TMEM132A: variants seen among roughly 807,000 people sequenced by gnomAD.
TMEM132A encodes GRP78-binding protein.
A neutral mutation model predicts 69.9 loss-of-function variants in TMEM132A; 48 were observed. The observed-to-expected ratio is 0.69, with a 90% CI of 0.55 to 0.87. TMEM132A has a LOEUF of 0.87. Among genes scored for constraint, TMEM132A ranks in the 40% least tolerant of loss-of-function variants. The pLI is 0.00. For missense variants in TMEM132A, 1,287 were observed against 1,407.2 expected (o/e 0.91, Z 1.37); for synonymous variants, 577 against 613.7 (o/e 0.94, Z 0.88).
rs376130640 is a variant in TMEM132A at position 60,936,894 on chromosome 11, G to A, written c.3059G>A (p.Arg1020Gln). The change falls in exon 11 of 11, where the codon CGG becomes CAG. Residue 1020 changes from arginine (R) to glutamine (Q), a missense_variant. By Grantham distance (43) the Arg-to-Gln change is conservative (BLOSUM62 1). Transcript: ENST00000453848. ...CTTCGCAACTACATGGAGAGGATCC[G>A]GGGCAGCTCCTGACCCTCCACAGCC... ...EELRNYMERI[R>Q]GSS The A allele has an allele frequency of 2.0e-5, 31 of 1,551,376 alleles. No homozygotes were observed. Among genetic ancestry groups the A allele is most frequent in the African/African-American group, 5.5e-5 (4 of 72,894 alleles).
chr11:60,925,856 G>A (rs1856336071), intron 1 of TMEM132A: 1 of 152,224 alleles, frequency 6.6e-6, no homozygotes, highest in Admixed American at 6.5e-5. Flanking sequence ...GCCACCTAAT[G>A]CTCCTGCCCC....
Position 60,930,531 on chromosome 11 carries a change from G to A in TMEM132A, c.888G>A (p.Leu296=). Reference sequence around the variant, plus strand: ...CCAGGATCAAGGTGAAGAAGGGGCTGCATGTGACAGCCGCCCGCCCAGCCC... The same window carrying A: ...CCAGGATCAAGGTGAAGAAGGGGCTACATGTGACAGCCGCCCGCCCAGCCC... ...LTLRIKVKKG[L]HVTAARPAQP... Residue 296 remains leucine (L), a synonymous_variant, in exon 5 of 11, where the codon CTG becomes CTA. Coordinates refer to ENST00000453848, the MANE Select transcript of TMEM132A (RefSeq NM_178031.3). 6.2e-7 allele frequency: 1 copy of A among 1,608,422 alleles called. No homozygotes were observed.
intron 1 of TMEM132A, 49 bp from the exon 2 acceptor site, chr11:60,927,155 C>T (rs778362323): frequency 1.3e-6 from 2 of 1,547,184 alleles, no homozygotes; most frequent in Non-Finnish European, 1.8e-6. Context: ...CGGGTCAGCC[C>T]CTGCCAGCTC....
Position 60,932,038 on chromosome 11 carries a change from G to A in TMEM132A, c.1267G>A (p.Val423Met), listed in dbSNP as rs759738052. The change falls in exon 7 of 11, where the codon GTG becomes ATG. Residue 423 changes from valine (V) to methionine (M), a missense_variant. Val to Met is a conservative substitution (Grantham distance 21). Coordinates refer to ENST00000453848, the MANE Select transcript of TMEM132A (RefSeq NM_178031.3). ...PLTGVPQHVP[V>M]RLVTVDGGGA... The stretch of plus-strand genomic sequence containing the variant: ...GACTGGAGTGCCCCAGCATGTCCCC[G>A]TGCGCCTTGTCACTGTGGACGGCGG... 2.3e-5 allele frequency: 36 copies of A among 1,597,302 alleles called. No homozygotes were observed. The highest frequency in any genetic ancestry group is 1.9e-4 in the South Asian group (17 of 88,364).
At chr11:60,924,860 C>T in intron 1 of TMEM132A, 127 bp downstream of exon 1, 1 of 676,930 alleles carries the variant, frequency 1.5e-6, no homozygotes, top group South Asian at 2.0e-5. Context: ...CCCGCAGCGC[C>T]CTGAAGGTCG....
At chr11:60,933,314 C>G in intron 7 of TMEM132A, 1 of 558,844 alleles carries the variant, frequency 1.8e-6, no homozygotes, top group Non-Finnish European at 3.2e-6. Flanking sequence ...TCCCCAGTAG[C>G]TAGGACTACA....
At chr11:60,931,260 G>A (rs11230521) in intron 5 of TMEM132A, among the ~76,000 whole-genome samples, 32,353 of 152,194 alleles carry the variant, frequency 0.21, 4,629 homozygotes, top group East Asian at 0.65. Flanking sequence ...CACCCAGGAC[G>A]GTTCCCAGCA....
chr11:60,933,446 A>T, intron 7 of TMEM132A, 96 bp from the exon 8 acceptor site: 2 of 1,028,330 alleles, frequency 1.9e-6, no homozygotes, highest in Non-Finnish European at 2.8e-6. Context: ...GGCCTCTCAG[A>T]GTGCTGGGAC....
At position 60,930,587 on chromosome 11, in the gene TMEM132A, G is replaced by A. The variant is rs753135679; in HGVS notation, c.944G>A (p.Arg315His). 31 of 1,612,784 alleles carry A rather than the reference G, an allele frequency of 1.9e-5. No individual in the cohort carries two copies. In the South Asian group the frequency reaches 2.0e-4, roughly 10 times the overall value. ...QPTLWTAKLD[R>H]FKGSRHHTTL... ...ACACTCTGGACTGCCAAGCTGGACC[G>A]CTTCAAGGGCTCCAGGCACCACACC... The change falls in exon 5 of 11, where the codon CGC becomes CAC. Residue 315 changes from arginine (R) to histidine (H), a missense_variant. Transcript: ENST00000453848.
Position 60,933,580 on chromosome 11 carries a change from G to A in TMEM132A, c.1395G>A (p.Lys465=). 1 of 1,607,736 alleles carries A rather than the reference G, an allele frequency of 6.2e-7. No homozygotes were observed. The highest frequency in any genetic ancestry group is 1.3e-5 in the African/African-American group (1 of 74,962). ...EACDAVFVAG[K]ESRGARGVRV... is the part of the protein sequence containing the mutation. ...GTGATGCCGTGTTCGTGGCTGGCAA[G>A]GAGAGCCGGGGCGCCCGGGGGGTGC... Residue 465 remains lysine (K), a synonymous_variant, in exon 8 of 11, where the codon AAG becomes AAA. Coordinates refer to ENST00000453848, the MANE Select transcript of TMEM132A (RefSeq NM_178031.3).
chr11:60,935,044 G>A lies in TMEM132A; in HGVS notation c.1837-208G>A, dbSNP rs982421971. Among the ~76,000 whole-genome samples the A allele has an allele frequency of 6.6e-6, 1 of 152,172 alleles. No individual in the cohort carries two copies. Among genetic ancestry groups the A allele is most frequent in the Non-Finnish European group, 1.5e-5 (1 of 68,016 alleles). On this transcript the variant is annotated intron_variant, in intron 9 of 10. Coordinates refer to ENST00000453848, the MANE Select transcript of TMEM132A (RefSeq NM_178031.3). The surrounding 1 kb of genome is among the most constrained non-coding windows in gnomAD (Gnocchi z 5.0). ...CCCTAGGTGTGGGATTGGGGTCCAG[G>A]TATGCACCGGGGTGCAAAGAGTAGA...
At position 60,927,213 on chromosome 11, in the gene TMEM132A, G is replaced by T; in HGVS notation, c.110G>T (p.Gly37Val). The stretch of plus-strand genomic sequence containing the variant: ...TCTTATGCCTCTTCAGTGGACTGTG[G>T]CCAGGCTCCCCTGGACCCTGTCTAC... ...LALDVVRVDC[G>V]QAPLDPVYLP... The change falls in exon 2 of 11, where the codon GGC (glycine) becomes GTC (valine). Residue 37 changes from glycine to valine, a missense_variant. Transcript: ENST00000453848. 6.2e-7 allele frequency: 1 copy of T among 1,612,704 alleles called. No individual in the cohort carries two copies.
chr11:60,930,148 G>A (rs921399200), intron 4 of TMEM132A, among the ~76,000 whole-genome samples: 2 of 152,236 alleles, frequency 1.3e-5, no homozygotes, highest in Non-Finnish European at 2.9e-5. Flanking sequence ...ACTGGGCAAA[G>A]GCTTGGAGTC....
At position 60,936,555 on chromosome 11, in the gene TMEM132A, G is replaced by A. The variant is rs760624125; in HGVS notation, c.2720G>A (p.Arg907His). The A allele has an allele frequency of 9.3e-6, 15 of 1,610,404 alleles. No homozygotes were observed. The highest frequency in any genetic ancestry group is 3.3e-4 in the Middle Eastern group (2 of 6,052). Residue 907 changes from arginine to histidine, a missense_variant, in exon 11 of 11, where the codon CGC becomes CAC. Physicochemically the swap from Arg to His is conservative, Grantham distance 29. Transcript: ENST00000453848. ...WLGTDQEELS[R>H]QLDRQSPGPP... is the part of the protein sequence containing the mutation. ...GGCACTGACCAGGAGGAACTGAGCC[G>A]CCAGCTGGACCGGCAGTCCCCTGGC...
rs756552592 is a variant in TMEM132A at position 60,936,590 on chromosome 11, G to A, written c.2755G>A (p.Gly919Arg). 5 of 1,597,694 alleles carry A rather than the reference G, an allele frequency of 3.1e-6. No homozygotes were observed. In the Admixed American group the frequency reaches 5.1e-5, roughly 16 times the overall value. Reference sequence around the variant, plus strand: ...CCGGCAGTCCCCTGGCCCGCCCAAGGGGGAGGGGAGCTGCCCCTGTGAGAG... The same window carrying A: ...CCGGCAGTCCCCTGGCCCGCCCAAGAGGGAGGGGAGCTGCCCCTGTGAGAG... ...LDRQSPGPPK[G>R]EGSCPCESGG... Residue 919 changes from glycine (G) to arginine (R), a missense_variant, in exon 11 of 11, where the codon GGG becomes AGG. Gly to Arg is a moderately radical substitution (Grantham distance 125, BLOSUM62 -2). Transcript: ENST00000453848.
rs573230017 is a variant in TMEM132A, at chr11:60,928,526, C to T, written c.535-103C>T. ...TCCGGCCCATGCTGGGCCTCCCTTT[C>T]ATGAGCCCCTCCAGCTCTGGGTTTC... On this transcript the variant is annotated intron_variant, in intron 3 of 10. Coordinates refer to ENST00000453848, the MANE Select transcript of TMEM132A (RefSeq NM_178031.3). 7 of 1,131,874 alleles carry T rather than the reference C, an allele frequency of 6.2e-6. No individual in the cohort carries two copies. The South Asian group carries it at 8.6e-5, about 14-fold the overall frequency. The allele number at this position is 1,131,874 out of a possible 1,614,324, so 70.1% of individuals were successfully genotyped here.
rs1028874291 is a variant in TMEM132A at position 60,936,391 on chromosome 11, C to G, written c.2556C>G (p.Ala852=). Residue 852 remains alanine, a synonymous_variant, in exon 11 of 11, where the codon GCC becomes GCG. Transcript: ENST00000453848. The part of the protein sequence containing the change: ...HVTELELGMY[A]LLGVFCVAIF... ...CTGAGCTAGAGCTGGGCATGTACGC[C>G]CTGCTGGGAGTCTTCTGCGTGGCCA... is the stretch of plus-strand genomic sequence containing the variant. The G allele has an allele frequency of 1.2e-6, 2 of 1,614,164 alleles. No homozygotes were observed.
At chr11:60,930,731 G>A in intron 5 of TMEM132A, 72 bp downstream of exon 5, 1 of 1,449,622 alleles carries the variant, frequency 6.9e-7, no homozygotes, top group Non-Finnish European at 9.2e-7. Context: ...AGCAGATTTG[G>A]AGGCTGCCAT....
rs753641264 is a variant in TMEM132A, at chr11:60,935,356, C to T, written c.1941C>T (p.Ile647=). 1.9e-6 allele frequency: 3 copies of T among 1,612,990 alleles called. No individual in the cohort carries two copies. The highest frequency in any genetic ancestry group is 2.5e-6 in the Non-Finnish European group (3 of 1,179,704). Residue 647 remains isoleucine (I), a synonymous_variant, in exon 10 of 11, where the codon ATC becomes ATT. Transcript: ENST00000453848. The surrounding 1 kb of genome is among the most constrained non-coding windows in gnomAD (Gnocchi z 5.0). The stretch of plus-strand genomic sequence containing the variant: ...TGAGGGTGCAGCCAGTGATGGGCAT[C>T]TCGCTGACCTTGAGCCGGGGCACTG... ...LELRVQPVMG[I]SLTLSRGTAH...
Sources: gnomAD v4.1 joint callset for allele counts (sites outside exome capture counted in the v4.1 genomes callset) on GRCh38, gnomAD v4.1.1 for gene constraint, Gnocchi (gnomAD v3.1) non-coding constraint, MANE v1.5 for transcripts, NCBI Gene and HGNC (gene_info 2026-07-23, HGNC 2026-07-21) for gene names.